TENM3: variants seen among roughly 807,000 people sequenced by gnomAD.
TENM3 encodes teneurin transmembrane protein 3, also known as teneurin-3.
Under a neutral mutation model 255.1 loss-of-function variants are expected in TENM3, and 63 were observed. The observed-to-expected ratio is 0.25, with a 90% CI of 0.20 to 0.30. TENM3 has a LOEUF of 0.30. TENM3 is among the 10% of genes least tolerant of loss of function. TENM3 has a pLI of 1.00. For missense variants in TENM3, 2,929 were observed against 3,461.1 expected (o/e 0.85, Z 3.86); for synonymous variants, 1,306 against 1,322.3 (o/e 0.99, Z 0.27).
intron 1 of TENM3, among the ~76,000 whole-genome samples, chr4:182,175,314 A>ATAT (rs1554026205): frequency 0.015 from 1,729 of 117,474 alleles, 19 homozygotes; most frequent in Non-Finnish European, 0.021. Flanking sequence ...AAAAAAAAAA[A>ATAT]ATATATATAT....
chr4:182,252,257 T>G (rs915145655), intron 1 of TENM3, among the ~76,000 whole-genome samples: 15 of 152,094 alleles, frequency 9.9e-5, no homozygotes, highest in African/African-American at 3.6e-4. Context: ...CTCTTAATTA[T>G]TTAAGTATAC....
chr4:181,535,486 C>A, the TENM3 span, among the ~76,000 whole-genome samples: 7 of 152,180 alleles, frequency 4.6e-5, no homozygotes, highest in Non-Finnish European at 2.9e-5. Flanking sequence ...CCCCTACAGT[C>A]TCTCCTTAAT....
At chr4:181,952,547 C>T in the TENM3 span, among the ~76,000 whole-genome samples, 8 of 152,292 alleles carry the variant, frequency 5.3e-5, no homozygotes, top group African/African-American at 1.9e-4. Flanking sequence ...CACCAATATT[C>T]GGAAGGGAAG....
the TENM3 span, among the ~76,000 whole-genome samples, chr4:181,533,868 A>G: frequency 6.6e-6 from 1 of 152,144 alleles, no homozygotes; most frequent in Admixed American, 6.5e-5. Context: ...TGGGTTCCCC[A>G]TTATCACTGA....
the TENM3 span, among the ~76,000 whole-genome samples, chr4:181,564,040 CTTTTTTT>C: frequency 7.1e-4 from 57 of 79,786 alleles, no homozygotes; most frequent in African/African-American, 3.0e-3. Context: ...TTTCTTTTTT[CTTTTTTT>C]TTTTTTTTTT....
intron 22 of TENM3, among the ~76,000 whole-genome samples, chr4:182,758,867 A>G (rs543457244): frequency 6.6e-6 from 1 of 152,340 alleles, no homozygotes; most frequent in South Asian, 2.1e-4. Flanking sequence ...AACAGGCTCT[A>G]TAATCATCTT....
At chr4:181,830,111 G>A in the TENM3 span, 6 of 152,306 alleles carry the variant, frequency 3.9e-5, no homozygotes, top group African/African-American at 1.4e-4. Flanking sequence ...AGCAGAGGAT[G>A]TGATGGAAAA....
intron 12 of TENM3, among the ~76,000 whole-genome samples, chr4:182,698,434 G>A (rs1757597033): frequency 1.3e-5 from 2 of 152,120 alleles, no homozygotes; most frequent in South Asian, 2.1e-4. Context: ...GTCTCCAAAA[G>A]TCCCATTAGA....
rs1554035563 is a variant in TENM3 at position 182,775,979 on chromosome 4, T to TCA, written c.5304+826_5304+827insCA. Among the ~76,000 whole-genome samples the TCA allele has an allele frequency of 7.2e-5, 11 of 151,732 alleles. No homozygotes were observed. In the East Asian group the frequency reaches 1.5e-3, roughly 21 times the overall value. ...GATGATAGATAGATAGATAGATAGA[T>TCA]TATATATATATAGATAGATAGGAGA... is the stretch of plus-strand genomic sequence containing the variant. On this transcript the variant is annotated intron_variant, in intron 24 of 27. Coordinates refer to ENST00000511685, the MANE Select transcript of TENM3 (RefSeq NM_001080477.4).
chr4:182,734,057 A>G (rs1188886887), intron 16 of TENM3, among the ~76,000 whole-genome samples: 1 of 152,234 alleles, frequency 6.6e-6, no homozygotes, highest in Non-Finnish European at 1.5e-5. Flanking sequence ...CTTTACTAAG[A>G]TAAAAAGAAG....
chr4:181,671,026 C>A, the TENM3 span, among the ~76,000 whole-genome samples: 20 of 152,220 alleles, frequency 1.3e-4, no homozygotes, highest in African/African-American at 4.6e-4. Flanking sequence ...TGGCATTATA[C>A]ACTGCTGCTT....
chr4:181,995,280 G>C, the TENM3 span, among the ~76,000 whole-genome samples: 1 of 151,400 alleles, frequency 6.6e-6, no homozygotes, highest in South Asian at 2.1e-4. Context: ...ACAGAGGGAG[G>C]CTCTGTCTCA....
chr4:181,505,275 C>G, the TENM3 span, among the ~76,000 whole-genome samples: 15 of 152,178 alleles, frequency 9.9e-5, no homozygotes, highest in African/African-American at 3.6e-4. Context: ...ATGCTGGTAG[C>G]TTTAGCAGGC....
chr4:182,027,211 G>A, the TENM3 span, among the ~76,000 whole-genome samples: 1 of 151,672 alleles, frequency 6.6e-6, no homozygotes, highest in African/African-American at 2.4e-5. Context: ...ATTGTAAATG[G>A]GATTACTTTA....
chr4:182,676,552 A>G (rs1579082848), intron 7 of TENM3, among the ~76,000 whole-genome samples: 1 of 152,244 alleles, frequency 6.6e-6, no homozygotes, highest in African/African-American at 2.4e-5. Context: ...ATGTAAGGAC[A>G]CAGTTAAGTA....
At chr4:181,840,663 G>A in the TENM3 span, among the ~76,000 whole-genome samples, 1 of 151,966 alleles carries the variant, frequency 6.6e-6, no homozygotes, top group Non-Finnish European at 1.5e-5. Context: ...CTGGGCAGGG[G>A]GTTATTTTTC....
At chr4:181,512,107 G>A in the TENM3 span, among the ~76,000 whole-genome samples, 2 of 152,080 alleles carry the variant, frequency 1.3e-5, no homozygotes, top group Non-Finnish European at 2.9e-5. Context: ...TGGCCCTCAT[G>A]AGGTCAACAT....
chr4:181,551,977 T>C, the TENM3 span, among the ~76,000 whole-genome samples: 1 of 151,770 alleles, frequency 6.6e-6, no homozygotes. Flanking sequence ...TTTTAGTTCT[T>C]GGTTCAAAAG....
chr4:182,501,764 C>G (rs1428123836), intron 3 of TENM3, among the ~76,000 whole-genome samples: 1 of 152,152 alleles, frequency 6.6e-6, no homozygotes, highest in Non-Finnish European at 1.5e-5. Context: ...TTTCTCCATT[C>G]TGGCGATATA....
Sources: gnomAD v4.1 joint callset for allele counts (sites outside exome capture counted in the v4.1 genomes callset) on GRCh38, gnomAD v4.1.1 for gene constraint, MANE v1.5 for transcripts, NCBI Gene and HGNC (gene_info 2026-07-23, HGNC 2026-07-21) for gene names.